The following SCARB1 variants were observed in gnomAD, a reference collection of about 807,000 sequenced individuals.
SCARB1 encodes the protein CD36 and LIMPII analogous 1.
Under a neutral mutation model 57.2 loss-of-function variants are expected in SCARB1, and 30 were observed. That is an observed-to-expected ratio of 0.52 (90% CI 0.39 to 0.71). The LOEUF (loss-of-function observed/expected upper bound fraction) is 0.71, where lower values mean the gene tolerates loss of function less well. SCARB1 is among the 30% of genes least tolerant of loss of function. SCARB1 has a pLI of 0.00. For missense variants in SCARB1, 543 were observed against 671.2 expected (o/e 0.81, Z 2.11); for synonymous variants, 249 against 268.3 (o/e 0.93, Z 0.70).
chr12:124,814,474 G>C lies in SCARB1; in HGVS notation c.427-69C>G. 6.6e-7 allele frequency: 1 copy of C among 1,514,910 alleles called. No individual in the cohort carries two copies. Among genetic ancestry groups the C allele is most frequent in the Non-Finnish European group, 9.1e-7 (1 of 1,093,468 alleles). 93.8% of individuals were successfully genotyped at this position (1,514,910 alleles called of 1,614,324 possible). ...GGCCCATCCTCCCTTGGCCCCAGCT[G>C]GGCCTCACAGCAAAGAGCCCATGAA... On this transcript the variant is annotated intron_variant, in intron 3 of 12. Coordinates refer to ENST00000261693, the MANE Select transcript of SCARB1 (RefSeq NM_005505.5). This position sits in a 1 kb window ranked among gnomAD's most constrained non-coding sequence, Gnocchi z 4.7.
At chr12:124,862,562 G>A (rs547260495) in intron 1 of SCARB1, 2 of 152,336 alleles carry the variant, frequency 1.3e-5, no homozygotes, top group South Asian at 2.1e-4. Context: ...CCAGTCCAAA[G>A]AGGCAGGCCA....
Position 124,812,745 on chromosome 12 carries a change from C to T in SCARB1, c.631-780G>A, listed in dbSNP as rs1047529536. Reference sequence around the variant, plus strand: ...CACACTGAGGAGCTCCAAGGTTGCCCGGCTGAGTGACTGCACCCATCACAG... The same window carrying T: ...CACACTGAGGAGCTCCAAGGTTGCCTGGCTGAGTGACTGCACCCATCACAG... On this transcript the variant is annotated intron_variant, in intron 4 of 12. Transcript: ENST00000261693. The surrounding 1 kb of genome is among the most constrained non-coding windows in gnomAD (Gnocchi z 4.3). 4.6e-5 allele frequency among the ~76,000 whole-genome samples: 7 copies of T among 152,092 alleles called. No individual in the cohort carries two copies. The highest frequency in any genetic ancestry group is 9.7e-5 in the African/African-American group (4 of 41,396).
chr12:124,838,206 G>T (rs537749137), intron 1 of SCARB1, among the ~76,000 whole-genome samples: 92 of 152,364 alleles, frequency 6.0e-4, no homozygotes, highest in Non-Finnish European at 1.1e-3. Flanking sequence ...GCCATCCCCT[G>T]CCAGGCCAGC....
At chr12:124,823,293 T>A (rs895980978) in intron 1 of SCARB1, among the ~76,000 whole-genome samples, 1 of 152,242 alleles carries the variant, frequency 6.6e-6, no homozygotes, top group African/African-American at 2.4e-5. Context: ...TGTGAAATTT[T>A]AAAAATAAAA....
At chr12:124,818,987 C>T (rs1950843145) in intron 1 of SCARB1, among the ~76,000 whole-genome samples, 1 of 151,992 alleles carries the variant, frequency 6.6e-6, no homozygotes, top group African/African-American at 2.4e-5. Context: ...AGTAGCTGGG[C>T]ATGGTGCTGC....
At chr12:124,860,488 C>T (rs1017063281) in intron 1 of SCARB1, among the ~76,000 whole-genome samples, 16 of 152,362 alleles carry the variant, frequency 1.1e-4, no homozygotes, top group Admixed American at 7.8e-4. Flanking sequence ...CAGAGACACA[C>T]GGGAACTTGG....
chr12:124,783,229 T>A (rs1352940542), intron 11 of SCARB1: 4 of 226,726 alleles, frequency 1.8e-5, no homozygotes, highest in Non-Finnish European at 3.5e-5. Flanking sequence ...CTGCTTTTTT[T>A]AATTTTTGAG....
At chr12:124,848,065 A>T (rs1952235588) in intron 1 of SCARB1, among the ~76,000 whole-genome samples, 1 of 152,186 alleles carries the variant, frequency 6.6e-6, no homozygotes, top group Non-Finnish European at 1.5e-5. Context: ...CAGACACAGC[A>T]TGCAACCTTG....
Position 124,814,136 on chromosome 12 carries a change from C to T in SCARB1, c.630+66G>A. On this transcript the variant is annotated intron_variant, in intron 4 of 12. Coordinates refer to ENST00000261693, the MANE Select transcript of SCARB1 (RefSeq NM_005505.5). The surrounding 1 kb of genome is among the most constrained non-coding windows in gnomAD (Gnocchi z 4.7). ...ACAAAGCAAGCTGGTGACCAGTGTC[C>T]AGGCTGTGTGAGGGGAAGACAGGAC... The T allele has an allele frequency of 6.8e-7, 1 of 1,470,874 alleles. No individual in the cohort carries two copies. Among genetic ancestry groups the T allele is most frequent in the Non-Finnish European group, 9.5e-7 (1 of 1,050,474 alleles). The allele number at this position is 1,470,874 out of a possible 1,614,324, so 91.1% of individuals were successfully genotyped here. A position where few individuals can be genotyped will look rare whatever the true frequency, so the allele number is the denominator to read the frequency against.
At chr12:124,811,830 C>G (rs1250415087) in intron 5 of SCARB1, 40 bp downstream of exon 5, 2 of 1,474,176 alleles carry the variant, frequency 1.4e-6, no homozygotes, top group East Asian at 4.8e-5. Context: ...CCACCCTCCC[C>G]TCTCCCTGGC....
intron 8 of SCARB1, among the ~76,000 whole-genome samples, chr12:124,797,797 G>C (rs949386733): frequency 6.6e-6 from 1 of 152,208 alleles, no homozygotes; most frequent in African/African-American, 2.4e-5. Flanking sequence ...CCTAGTCAGC[G>C]GCTAAGGAGG....
At chr12:124,808,966 A>T (rs1026922391) in intron 6 of SCARB1, among the ~76,000 whole-genome samples, 1 of 152,228 alleles carries the variant, frequency 6.6e-6, no homozygotes, top group Non-Finnish European at 1.5e-5. Context: ...CCACTAAAAA[A>T]TTTTAAATTG....
At chr12:124,805,155 A>C (rs1288837564) in intron 7 of SCARB1, among the ~76,000 whole-genome samples, 1 of 151,322 alleles carries the variant, frequency 6.6e-6, no homozygotes, top group Non-Finnish European at 1.5e-5. Flanking sequence ...GAAGACAAGA[A>C]GAGGAAGCCA....
chr12:124,794,272 AG>A (rs200473703), intron 9 of SCARB1, among the ~76,000 whole-genome samples: 3 of 152,144 alleles, frequency 2.0e-5, no homozygotes, highest in Admixed American at 1.3e-4. Context: ...GCATTTTATT[AG>A]GGGGGTTATT....
At chr12:124,779,257 TA>T (rs1200995224) in intron 12 of SCARB1, among the ~76,000 whole-genome samples, 10 of 152,212 alleles carry the variant, frequency 6.6e-5, no homozygotes, top group Non-Finnish European at 1.5e-4. Context: ...CCTGTGTTTT[TA>T]AACCCATGTC....
rs1186267882 is a variant in SCARB1 at position 124,826,601 on chromosome 12, C to T, written c.127-8894G>A. 3.9e-5 allele frequency among the ~76,000 whole-genome samples: 6 copies of T among 152,088 alleles called. 1 individual carries two copies. In the Middle Eastern group the frequency reaches 0.01, roughly 259 times the overall value. ...TGGGACTACAAGGCACATACCACCA[C>T]GCCCGGCTATTTTTTTATTTTTTTA... On this transcript the variant is annotated intron_variant, in intron 1 of 12. Coordinates refer to ENST00000261693, the MANE Select transcript of SCARB1 (RefSeq NM_005505.5).
rs1032908728 is a variant in SCARB1 at position 124,814,298 on chromosome 12, C to T, written c.534G>A (p.Glu178=). The T allele has an allele frequency of 1.2e-6, 2 of 1,614,124 alleles. No homozygotes were observed. Among genetic ancestry groups the T allele is most frequent in the Non-Finnish European group, 1.7e-6 (2 of 1,180,050 alleles). ...ERAFMNRTVG[E]IMWGYKDPLV... is the part of the protein sequence containing the mutation. The stretch of plus-strand genomic sequence containing the variant: ...GGGGGTCCTTGTAGCCCCACATGAT[C>T]TCACCCACAGTGCGGTTCATGAAGG... The change falls in exon 4 of 13, where the codon GAG becomes GAA. Residue 178 remains glutamate (E), a synonymous_variant. Coordinates refer to ENST00000261693, the MANE Select transcript of SCARB1 (RefSeq NM_005505.5). This position sits in a 1 kb window ranked among gnomAD's most constrained non-coding sequence, Gnocchi z 4.7.
Position 124,802,093 on chromosome 12 carries a change from T to G in SCARB1, c.1010-1851A>C, listed in dbSNP as rs534555676. ...TGAACCCAAGAGGCAGAAGTTGTGGTGAGCCAAGATTGCACCATTGCACTC... is the reference window on the plus strand; with the variant it reads ...TGAACCCAAGAGGCAGAAGTTGTGGGGAGCCAAGATTGCACCATTGCACTC... On this transcript the variant is annotated intron_variant, in intron 7 of 12. Coordinates refer to ENST00000261693, the MANE Select transcript of SCARB1 (RefSeq NM_005505.5). 2.8e-3 allele frequency among the ~76,000 whole-genome samples: 404 copies of G among 145,316 alleles called. 1 individual carries two copies. The highest frequency in any genetic ancestry group is 9.8e-3 in the African/African-American group (381 of 38,868).
Position 124,815,007 on chromosome 12 carries a change from C to A in SCARB1, c.392G>T (p.Ser131Ile). ...FQPSKSHGSE[S>I]DYIVMPNILV... ...GATGTTGGGCATGACGATGTAGTCGCTCTCCGAGCCGTGGGACTTGGAGGG... is the reference window on the plus strand; with the variant it reads ...GATGTTGGGCATGACGATGTAGTCGATCTCCGAGCCGTGGGACTTGGAGGG... Residue 131 changes from serine (S) to isoleucine (I), a missense_variant, in exon 3 of 13, where the codon AGC (serine) becomes ATC (isoleucine). Transcript: ENST00000261693. 6.2e-7 allele frequency: 1 copy of A among 1,614,238 alleles called. No homozygotes were observed. Among genetic ancestry groups the A allele is most frequent in the Non-Finnish European group, 8.5e-7 (1 of 1,180,050 alleles).
Sources: gnomAD v4.1 joint callset for allele counts (sites outside exome capture counted in the v4.1 genomes callset) on GRCh38, gnomAD v4.1.1 for gene constraint, Gnocchi (gnomAD v3.1) non-coding constraint, MANE v1.5 for transcripts, NCBI Gene and HGNC (gene_info 2026-07-23, HGNC 2026-07-21) for gene names.